CHN1: variants seen among roughly 807,000 people sequenced by gnomAD.
CHN1 encodes chimerin 1.
CHN1 carries 37 observed loss-of-function variants against 59.5 expected under a neutral mutation model. The ratio of observed to expected loss-of-function variants is 0.62; its 90% CI spans 0.48 to 0.82. CHN1 has a LOEUF of 0.82. Among genes scored for constraint, CHN1 ranks in the 40% least tolerant of loss-of-function variants. CHN1 has a pLI of 0.00. For missense variants in CHN1, 469 were observed against 571.0 expected (o/e 0.82, Z 1.82); for synonymous variants, 206 against 200.4 (o/e 1.03, Z -0.24).
At chr2:174,809,732 C>T (rs1685013822) in intron 10 of CHN1, among the ~76,000 whole-genome samples, 1 of 152,160 alleles carries the variant, frequency 6.6e-6, no homozygotes, top group African/African-American at 2.4e-5. Flanking sequence ...TAGGGCTATA[C>T]CATATCAGCA....
rs1243333384 is a variant in CHN1, at chr2:174,821,666, C to T, written c.712+2768G>A. 4 of 422,416 alleles carry T rather than the reference C, an allele frequency of 9.5e-6. No homozygotes were observed. The East Asian group carries it at 2.4e-4, about 26-fold the overall frequency. 26.2% of individuals were successfully genotyped at this position (422,416 alleles called of 1,614,324 possible). ...AATCATGAGGACACTGCATTGTAGG[C>T]ACCTCCCCTCTGGAGGACATAGCTT... On this transcript the variant is annotated intron_variant, in intron 8 of 12. Coordinates refer to ENST00000409900, the MANE Select transcript of CHN1 (RefSeq NM_001822.7).
intron 1 of CHN1, among the ~76,000 whole-genome samples, chr2:174,969,942 C>T (rs1367249045): frequency 6.6e-6 from 1 of 152,084 alleles, no homozygotes; most frequent in African/African-American, 2.4e-5. Flanking sequence ...TAATAGTAAT[C>T]TTAAGAAGGA....
intron 8 of CHN1, among the ~76,000 whole-genome samples, chr2:174,822,865 G>A (rs115725231): frequency 0.015 from 2,353 of 152,320 alleles, 58 homozygotes; most frequent in African/African-American, 0.053. Context: ...GAGCTGAGGC[G>A]CTCCCTGACG....
intron 7 of CHN1, among the ~76,000 whole-genome samples, chr2:174,829,142 C>A (rs939994991): frequency 6.6e-6 from 1 of 152,152 alleles, no homozygotes; most frequent in African/African-American, 2.4e-5. Flanking sequence ...AAAAAAAGAC[C>A]ATTTTATTAC....
chr2:174,946,144 T>C (rs1166127501), intron 2 of CHN1, among the ~76,000 whole-genome samples: 1 of 152,108 alleles, frequency 6.6e-6, no homozygotes, highest in African/African-American at 2.4e-5. Context: ...TTTTCCTTAT[T>C]TGCAAAATGG....
chr2:174,864,091 T>C (rs1259513088), intron 6 of CHN1, among the ~76,000 whole-genome samples: 2 of 152,160 alleles, frequency 1.3e-5, no homozygotes, highest in African/African-American at 4.8e-5. Flanking sequence ...ACTGACAAAC[T>C]GTGTTAAAGA....
chr2:174,940,080 A>G (rs1689612537), intron 3 of CHN1, among the ~76,000 whole-genome samples: 1 of 152,110 alleles, frequency 6.6e-6, no homozygotes, highest in Admixed American at 6.6e-5. Context: ...CCCAAGCTGG[A>G]GTGCAGTGGT....
chr2:174,871,763 TAAATAGGGAG>T (rs1294348147), intron 6 of CHN1, among the ~76,000 whole-genome samples: 1 of 152,168 alleles, frequency 6.6e-6, no homozygotes, highest in African/African-American at 2.4e-5. Flanking sequence ...TAAGTGTTAT[TAAATAGGGAG>T]AAATAATGAA....
chr2:174,922,334 A>C (rs928035416), intron 3 of CHN1, among the ~76,000 whole-genome samples: 2 of 152,250 alleles, frequency 1.3e-5, no homozygotes, highest in African/African-American at 4.8e-5. Flanking sequence ...GAAGATATAC[A>C]TGCACATGTA....
At chr2:174,820,346 T>C in intron 8 of CHN1, among the ~76,000 whole-genome samples, 1 of 152,224 alleles carries the variant, frequency 6.6e-6, no homozygotes, top group South Asian at 2.1e-4. Context: ...TCCTGACTTT[T>C]TACTGATTGC....
chr2:174,971,580 T>TA (rs1690760637), intron 1 of CHN1, among the ~76,000 whole-genome samples: 1 of 152,224 alleles, frequency 6.6e-6, no homozygotes, highest in Non-Finnish European at 1.5e-5. Context: ...ACTGAACACT[T>TA]ACAATGTGCC....
rs187542186 is a variant in CHN1, at chr2:174,920,298, G to A, written c.115-1733C>T. 3.3e-5 allele frequency among the ~76,000 whole-genome samples: 5 copies of A among 152,260 alleles called. No individual in the cohort carries two copies. In the East Asian group the frequency reaches 9.6e-4, roughly 29 times the overall value. On this transcript the variant is annotated intron_variant, in intron 3 of 12. Coordinates refer to ENST00000409900, the MANE Select transcript of CHN1 (RefSeq NM_001822.7). The stretch of plus-strand genomic sequence containing the variant: ...ATAATGCTGCAAGGAACATGGGAGT[G>A]CAGATATTTCATCAACATATTAATT...
chr2:174,844,919 A>C lies in CHN1; in HGVS notation c.627+1961T>G, dbSNP rs149854910. ...GAACAAGTCCAAGCTGGTTTTCATT[A>C]TTTTTCAGCTCCAGAGAAGGAAGAA... On this transcript the variant is annotated intron_variant, in intron 7 of 12. Coordinates refer to ENST00000409900, the MANE Select transcript of CHN1 (RefSeq NM_001822.7). 6.2e-3 allele frequency among the ~76,000 whole-genome samples: 940 copies of C among 152,214 alleles called. 11 individuals carry two copies. The highest frequency in any genetic ancestry group is 0.021 in the African/African-American group (892 of 41,530).
intron 5 of CHN1, among the ~76,000 whole-genome samples, chr2:174,895,213 T>TATATAC (rs755454217): frequency 1.3e-4 from 18 of 142,470 alleles, no homozygotes; most frequent in Middle Eastern, 3.8e-3. Context: ...TATATATATA[T>TATATAC]ACACACACAC....
chr2:174,811,962 A>G (rs1228346752), intron 9 of CHN1: 2 of 241,572 alleles, frequency 8.3e-6, no homozygotes, highest in African/African-American at 2.2e-5. Context: ...GGCTTTATAG[A>G]TAGTTTTAGT....
chr2:174,809,013 T>A lies in CHN1; in HGVS notation c.994A>T (p.Met332Leu). Residue 332 changes from methionine to leucine, a missense_variant, in exon 11 of 13, where the codon ATG (methionine) becomes TTG (leucine). Met to Leu is a conservative substitution (Grantham distance 15, BLOSUM62 2). Coordinates refer to ENST00000409900, the MANE Select transcript of CHN1 (RefSeq NM_001822.7). ...GTGATAATGTTGATATCTTCATACATGTTCACAGAAATATCTGCCTTCTCA... is the reference window on the plus strand; with the variant it reads ...GTGATAATGTTGATATCTTCATACAAGTTCACAGAAATATCTGCCTTCTCA... ...DGEKADISVN[M>L]YEDINIITGA... 1 of 1,609,626 alleles carries A rather than the reference T, an allele frequency of 6.2e-7. No individual in the cohort carries two copies. Among genetic ancestry groups the A allele is most frequent in the Non-Finnish European group, 8.5e-7 (1 of 1,178,088 alleles).
At chr2:174,821,155 G>T (rs892226592) in intron 8 of CHN1, among the ~76,000 whole-genome samples, 1 of 152,130 alleles carries the variant, frequency 6.6e-6, no homozygotes, top group South Asian at 2.1e-4. Flanking sequence ...AAATTCTGGA[G>T]GTCAGAAGTT....
chr2:174,838,037 C>A (rs183274280), intron 7 of CHN1, among the ~76,000 whole-genome samples: 2 of 152,050 alleles, frequency 1.3e-5, no homozygotes, highest in African/African-American at 4.8e-5. Context: ...AAGACATGTA[C>A]GTATTCTTTA....
chr2:174,897,164 A>G (rs1044326371), intron 5 of CHN1, among the ~76,000 whole-genome samples: 1 of 152,134 alleles, frequency 6.6e-6, no homozygotes, highest in Non-Finnish European at 1.5e-5. Flanking sequence ...TTCAAAATGG[A>G]TGTTCCAGTT....
Sources: gnomAD v4.1 joint callset for allele counts (sites outside exome capture counted in the v4.1 genomes callset) on GRCh38, gnomAD v4.1.1 for gene constraint, MANE v1.5 for transcripts, NCBI Gene and HGNC (gene_info 2026-07-23, HGNC 2026-07-21) for gene names.